The following USPL1 variants were observed in gnomAD, a reference collection of about 807,000 sequenced individuals.
USPL1 encodes SUMO-specific isopeptidase USPL1.
USPL1 carries 27 observed loss-of-function variants against 51.5 expected under a neutral mutation model. The ratio of observed to expected loss-of-function variants is 0.52; its 90% CI spans 0.39 to 0.72. The LOEUF (loss-of-function observed/expected upper bound fraction) is 0.72. Ranked by LOEUF, USPL1 falls within the 30% of genes least tolerant of loss-of-function variation. USPL1 has a pLI of 0.00. For synonymous variants in USPL1, 451 were observed against 459.6 expected (o/e 0.98, Z 0.24); for missense variants, 1,226 against 1,268.0 (o/e 0.97, Z 0.50).
In USPL1 at chr13:30,659,292, A is replaced by G. The variant is rs1951222823; in HGVS notation, c.3215A>G (p.Asn1072Ser). 1 of 1,614,020 alleles carries G rather than the reference A, an allele frequency of 6.2e-7. No homozygotes were observed. Among genetic ancestry groups the G allele is most frequent in the Admixed American group, 1.7e-5 (1 of 60,020 alleles). Residue 1072 changes from asparagine (N) to serine (S), a missense_variant, in exon 9 of 9, where the codon AAT becomes AGT. Physicochemically the swap from Asn to Ser is conservative, Grantham distance 46. Transcript: ENST00000255304. The stretch of plus-strand genomic sequence containing the variant: ...GAGTTTTTTTCCTCCTCAGCATTAA[A>G]TGCTTTAGCAAATGACACATTAGAC... ...FDEFFSSSAL[N>S]ALANDTLDLP...
At chr13:30,644,577 G>A (rs901456851) in intron 6 of USPL1, among the ~76,000 whole-genome samples, 3 of 152,100 alleles carry the variant, frequency 2.0e-5, no homozygotes, top group Non-Finnish European at 4.4e-5. Context: ...ATATCGCAAG[G>A]ATTTGGTCCC....
chr13:30,634,838 T>C (rs1445306897), intron 4 of USPL1, among the ~76,000 whole-genome samples: 1 of 152,238 alleles, frequency 6.6e-6, no homozygotes, highest in South Asian at 2.1e-4. Context: ...TCCTGATCCA[T>C]ATATTCTTCT....
At chr13:30,654,888 T>C (rs1313594667) in intron 8 of USPL1, among the ~76,000 whole-genome samples, 1 of 152,106 alleles carries the variant, frequency 6.6e-6, no homozygotes, top group Non-Finnish European at 1.5e-5. Context: ...TGACTAATGC[T>C]CTCATAAAAA....
rs1178541397 is a variant in USPL1 at position 30,642,733 on chromosome 13, A to G, written c.1088A>G (p.Gln363Arg). 18 of 1,613,542 alleles carry G rather than the reference A, an allele frequency of 1.1e-5. No individual in the cohort carries two copies. Among genetic ancestry groups the G allele is most frequent in the Non-Finnish European group, 1.4e-5 (17 of 1,179,836 alleles). Residue 363 changes from glutamine to arginine, a missense_variant, in exon 6 of 9, where the codon CAG becomes CGG. Gln to Arg is a conservative substitution (Grantham distance 43). Coordinates refer to ENST00000255304, the MANE Select transcript of USPL1 (RefSeq NM_005800.5). ...YSFSWDFECSQCGHQYQNRHM... is the reference protein window; with the variant it reads ...YSFSWDFECSRCGHQYQNRHM... The stretch of plus-strand genomic sequence containing the variant: ...TTTTCTTGGGACTTTGAATGTTCGC[A>G]GTGTGGACACCAATATCAAAACAGG...
intron 8 of USPL1, among the ~76,000 whole-genome samples, chr13:30,654,757 A>G (rs1257599476): frequency 6.6e-6 from 1 of 152,088 alleles, no homozygotes; most frequent in East Asian, 1.9e-4. Flanking sequence ...TTCCCTTTTG[A>G]AACTTATCAG....
chr13:30,622,030 C>A, intron 3 of USPL1, 138 bp downstream of exon 3: 1 of 549,830 alleles, frequency 1.8e-6, no homozygotes, highest in Non-Finnish European at 2.7e-6. Context: ...GTAAGTCTGT[C>A]TGGTATACAA....
In USPL1 at chr13:30,658,096, T is replaced by C. The variant is rs762502978; in HGVS notation, c.2019T>C (p.Thr673=). The part of the protein sequence containing the change: ...MQSVQLNTED[T]VNTKSVNNTD... Reference sequence around the variant, plus strand: ...CAGTACAGCTGAATACAGAAGATACTGTAAATACTAAATCTGTGAATAATA... The same window carrying C: ...CAGTACAGCTGAATACAGAAGATACCGTAAATACTAAATCTGTGAATAATA... Residue 673 remains threonine (T), a synonymous_variant, in exon 9 of 9, where the codon ACT becomes ACC. Coordinates refer to ENST00000255304, the MANE Select transcript of USPL1 (RefSeq NM_005800.5). 6.2e-7 allele frequency: 1 copy of C among 1,613,540 alleles called. No homozygotes were observed.
chr13:30,633,761 G>A (rs1263866186), intron 4 of USPL1, among the ~76,000 whole-genome samples: 2 of 148,082 alleles, frequency 1.4e-5, no homozygotes, highest in African/African-American at 2.5e-5. Flanking sequence ...AACCTGCCTG[G>A]GTGATAGAAT....
At chr13:30,622,494 A>C (rs1267343626) in intron 3 of USPL1, among the ~76,000 whole-genome samples, 3 of 152,218 alleles carry the variant, frequency 2.0e-5, no homozygotes, top group Admixed American at 6.5e-5. Context: ...TTTAATTCTC[A>C]GAACTTTGCA....
intron 7 of USPL1, among the ~76,000 whole-genome samples, chr13:30,650,988 C>G (rs892425162): frequency 7.4e-6 from 1 of 134,746 alleles, no homozygotes; most frequent in Non-Finnish European, 1.6e-5. Flanking sequence ...GACGCCATCT[C>G]AAAAACAAAC....
At chr13:30,643,738 T>G (rs1950980705) in intron 6 of USPL1, among the ~76,000 whole-genome samples, 1 of 151,368 alleles carries the variant, frequency 6.6e-6, no homozygotes. Flanking sequence ...GCTTCCTGAG[T>G]AGCTGGGATT....
intron 1 of USPL1, among the ~76,000 whole-genome samples, chr13:30,618,392 G>A (rs1239289550): frequency 6.6e-6 from 1 of 151,980 alleles, no homozygotes; most frequent in East Asian, 1.9e-4. Flanking sequence ...CAAGACAGTT[G>A]GGTTTGGTAC....
chr13:30,633,251 T>C (rs1950831658), intron 4 of USPL1, among the ~76,000 whole-genome samples: 2 of 152,208 alleles, frequency 1.3e-5, no homozygotes, highest in African/African-American at 4.8e-5. Context: ...TATTTTATTA[T>C]TAGTTTTAAT....
At chr13:30,631,544 A>C in intron 4 of USPL1, 70 bp downstream of exon 4, 1 of 1,432,986 alleles carries the variant, frequency 7.0e-7, no homozygotes, top group Non-Finnish European at 9.3e-7. Context: ...TCTGTCACCC[A>C]GGCTGGAGTG....
intron 5 of USPL1, among the ~76,000 whole-genome samples, chr13:30,641,752 C>T (rs1249648093): frequency 6.6e-6 from 1 of 152,168 alleles, no homozygotes; most frequent in African/African-American, 2.4e-5. Flanking sequence ...GATGAAGAGT[C>T]CAAAGAGTTG....
chr13:30,632,576 G>A (rs553792752), intron 4 of USPL1, among the ~76,000 whole-genome samples: 6 of 152,016 alleles, frequency 3.9e-5, no homozygotes, highest in South Asian at 2.1e-4. Flanking sequence ...ACCAGGCCCA[G>A]CTAATTTTTG....
intron 5 of USPL1, among the ~76,000 whole-genome samples, 187 bp from the exon 6 acceptor site, chr13:30,642,441 G>A (rs1287117594): frequency 6.6e-6 from 1 of 152,108 alleles, no homozygotes; most frequent in Non-Finnish European, 1.5e-5. Flanking sequence ...AAATCTTTAG[G>A]ATGGACATTT....
chr13:30,653,169 G>T lies in USPL1; in HGVS notation c.1260G>T (p.Leu420Phe), dbSNP rs1428183104. ...VLEKVSPIFMLHFVEGLPQND... is the reference protein window; with the variant it reads ...VLEKVSPIFMFHFVEGLPQND... ...ACAGAGTATCTCCCATATTCATGTTGCACTTTGTAGAAGGCTTACCACAGA... is the reference window on the plus strand; with the variant it reads ...ACAGAGTATCTCCCATATTCATGTTTCACTTTGTAGAAGGCTTACCACAGA... Residue 420 changes from leucine to phenylalanine, a missense_variant, in exon 8 of 9, where the codon TTG becomes TTT. Coordinates refer to ENST00000255304, the MANE Select transcript of USPL1 (RefSeq NM_005800.5). 1 of 1,602,996 alleles carries T rather than the reference G, an allele frequency of 6.2e-7. No individual in the cohort carries two copies. The highest frequency in any genetic ancestry group is 8.5e-7 in the Non-Finnish European group (1 of 1,173,624).
At chr13:30,628,551 C>T (rs1950755445) in intron 3 of USPL1, among the ~76,000 whole-genome samples, 1 of 152,178 alleles carries the variant, frequency 6.6e-6, no homozygotes, top group African/African-American at 2.4e-5. Flanking sequence ...CCCCTACCCG[C>T]CGACAGGCCC....
Sources: gnomAD v4.1 joint callset for allele counts (sites outside exome capture counted in the v4.1 genomes callset) on GRCh38, gnomAD v4.1.1 for gene constraint, MANE v1.5 for transcripts, NCBI Gene and HGNC (gene_info 2026-07-23, HGNC 2026-07-21) for gene names.